Variants in CTNNA3 observed in about 807,000 individuals in gnomAD.
CTNNA3 encodes the protein catenin alpha-3.
Under a neutral mutation model 95.7 loss-of-function variants are expected in CTNNA3, and 76 were observed. The ratio of observed to expected loss-of-function variants is 0.79; its 90% CI spans 0.66 to 0.96. The LOEUF is 0.96. Among genes scored for constraint, CTNNA3 ranks in the 40% least tolerant of loss-of-function variants. CTNNA3 has a pLI of 0.00. For synonymous variants in CTNNA3, 431 were observed against 374.4 expected (o/e 1.15, Z -1.74); for missense variants, 1,191 against 1,089.8 (o/e 1.09, Z -1.31).
At chr10:65,979,309 A>T (rs905608412) in intron 16 of CTNNA3, among the ~76,000 whole-genome samples, 19 of 152,128 alleles carry the variant, frequency 1.2e-4, no homozygotes, top group Admixed American at 2.6e-4. Flanking sequence ...TTATGACTCA[A>T]GCTACTTTTC....
chr10:65,955,454 C>T (rs1001246417), intron 17 of CTNNA3, among the ~76,000 whole-genome samples: 5 of 152,276 alleles, frequency 3.3e-5, no homozygotes, highest in African/African-American at 1.2e-4. Context: ...GAAGGCATCC[C>T]TGTCTTGCGC....
intron 15 of CTNNA3, among the ~76,000 whole-genome samples, chr10:66,043,570 C>T (rs545398085): frequency 6.6e-6 from 1 of 152,290 alleles, no homozygotes; most frequent in East Asian, 1.9e-4. Flanking sequence ...TCCCCACTGA[C>T]CTCTTACAGT....
intron 12 of CTNNA3, among the ~76,000 whole-genome samples, chr10:66,358,368 C>T (rs2092627546): frequency 6.6e-6 from 1 of 152,042 alleles, no homozygotes; most frequent in Admixed American, 6.6e-5. Context: ...AAGGGGAGTC[C>T]AGGGAACATA....
At chr10:67,220,858 GTGACAGGAAAAGTA>G (rs1411371130) in intron 5 of CTNNA3, among the ~76,000 whole-genome samples, 1 of 152,062 alleles carries the variant, frequency 6.6e-6, no homozygotes, top group Non-Finnish European at 1.5e-5. Context: ...TTGATATACT[GTGACAGGAAAAGTA>G]TGCCATTTCT....
At chr10:67,070,201 T>C (rs1010377085) in intron 7 of CTNNA3, among the ~76,000 whole-genome samples, 5 of 152,258 alleles carry the variant, frequency 3.3e-5, no homozygotes, top group South Asian at 2.1e-4. Flanking sequence ...TATCCTCTTA[T>C]GTGAAGTGTC....
intron 7 of CTNNA3, among the ~76,000 whole-genome samples, chr10:66,792,958 C>T (rs1415100356): frequency 1.3e-5 from 2 of 152,034 alleles, no homozygotes; most frequent in Non-Finnish European, 2.9e-5. Flanking sequence ...ACAAAAAAAT[C>T]TTAATAAATA....
chr10:67,024,222 T>A (rs768310750), intron 7 of CTNNA3, among the ~76,000 whole-genome samples: 1 of 152,214 alleles, frequency 6.6e-6, no homozygotes, highest in Non-Finnish European at 1.5e-5. Flanking sequence ...AAGCCAGCAA[T>A]GTGGCATCTT....
intron 12 of CTNNA3, among the ~76,000 whole-genome samples, chr10:66,330,196 C>A (rs2092307224): frequency 6.6e-6 from 1 of 151,778 alleles, no homozygotes; most frequent in Non-Finnish European, 1.5e-5. Context: ...TTAGGTATAT[C>A]TCCTAATGCT....
intron 5 of CTNNA3, among the ~76,000 whole-genome samples, chr10:67,363,132 TA>T (rs1696979916): frequency 6.6e-6 from 1 of 151,690 alleles, no homozygotes; most frequent in Non-Finnish European, 1.5e-5. Context: ...AAAATAAAAA[TA>T]AAAATAATTC....
intron 5 of CTNNA3, among the ~76,000 whole-genome samples, chr10:67,437,159 A>G (rs1846330418): frequency 6.6e-6 from 1 of 152,180 alleles, no homozygotes; most frequent in Admixed American, 6.6e-5. Flanking sequence ...GAATAAATTA[A>G]CAGCATTTGC....
chr10:66,861,608 T>C (rs969048483), intron 7 of CTNNA3, among the ~76,000 whole-genome samples: 1 of 152,158 alleles, frequency 6.6e-6, no homozygotes, highest in South Asian at 2.1e-4. Context: ...ATTGTAAAAA[T>C]TCATAAATTA....
intron 13 of CTNNA3, among the ~76,000 whole-genome samples, chr10:66,199,598 GTTTGTTTGTTTT>G (rs2087188350): frequency 6.6e-6 from 1 of 150,464 alleles, no homozygotes; most frequent in Non-Finnish European, 1.5e-5. Flanking sequence ...TTGTTTGTTT[GTTTGTTTGTTTT>G]TTTGTTTTTA....
intron 5 of CTNNA3, among the ~76,000 whole-genome samples, chr10:67,330,273 AT>A (rs1841726097): frequency 6.6e-6 from 1 of 152,146 alleles, no homozygotes; most frequent in African/African-American, 2.4e-5. Flanking sequence ...AAATTTCTGA[AT>A]GTTCTGTGTC....
chr10:65,948,521 C>A (rs1440508645), intron 17 of CTNNA3, among the ~76,000 whole-genome samples: 3 of 151,516 alleles, frequency 2.0e-5, no homozygotes, highest in African/African-American at 4.8e-5. Flanking sequence ...CAACTTAATG[C>A]ACTTATTCCC....
chr10:66,495,674 CAG>C (rs1293837625), intron 11 of CTNNA3, among the ~76,000 whole-genome samples: 1 of 152,100 alleles, frequency 6.6e-6, no homozygotes, highest in Non-Finnish European at 1.5e-5. Flanking sequence ...TGTTTTGAGA[CAG>C]AGTTTCACTC....
intron 15 of CTNNA3, among the ~76,000 whole-genome samples, chr10:66,002,988 G>T (rs1191859757): frequency 6.6e-6 from 1 of 152,128 alleles, no homozygotes; most frequent in Non-Finnish European, 1.5e-5. Flanking sequence ...TGTGTTCCTT[G>T]TGAAAGGAAA....
chr10:66,892,532 T>TATTTGAAATA (rs56203092), intron 7 of CTNNA3, among the ~76,000 whole-genome samples: 47,227 of 151,538 alleles, frequency 0.31, 8,632 homozygotes, highest in East Asian at 0.47. Context: ...GGGGGCTTCC[T>TATTTGAAATA]ATTTGAAATA....
intron 9 of CTNNA3, among the ~76,000 whole-genome samples, chr10:66,699,991 GT>G (rs200726110): frequency 4.0e-5 from 6 of 150,604 alleles, no homozygotes; most frequent in African/African-American, 4.9e-5. Flanking sequence ...AAGTTACTTG[GT>G]TTTTTTTTGT....
chr10:67,021,226 G>T (rs941808481), intron 7 of CTNNA3, among the ~76,000 whole-genome samples: 19 of 152,024 alleles, frequency 1.2e-4, no homozygotes, highest in Admixed American at 3.3e-4. Context: ...GGAAAAAAAA[G>T]CTCAACTTTG....
Sources: gnomAD v4.1 joint callset for allele counts (sites outside exome capture counted in the v4.1 genomes callset) on GRCh38, gnomAD v4.1.1 for gene constraint, MANE v1.5 for transcripts, NCBI Gene and HGNC (gene_info 2026-07-23, HGNC 2026-07-21) for gene names.